NOXRED1: variants seen among roughly 807,000 people sequenced by gnomAD.
The protein encoded by NOXRED1 is NADP dependent oxidoreductase domain containing 1.
Under a neutral mutation model 30.4 loss-of-function variants are expected in NOXRED1, and 20 were observed. That is an observed-to-expected ratio of 0.66 (90% CI 0.46 to 0.96). The LOEUF (loss-of-function observed/expected upper bound fraction) is 0.96. NOXRED1 is among the 40% of genes least tolerant of loss of function. The probability of loss-of-function intolerance (pLI) is 0.00; values close to 1 mark genes in which losing one functional copy is unlikely to be tolerated. For synonymous variants in NOXRED1, 155 were observed against 168.0 expected (o/e 0.92, Z 0.60); for missense variants, 374 against 428.0 (o/e 0.87, Z 1.11).
At chr14:77,404,326 T>C (rs780633138) in intron 5 of NOXRED1, among the ~76,000 whole-genome samples, 2 of 152,170 alleles carry the variant, frequency 1.3e-5, no homozygotes, top group African/African-American at 4.8e-5. Flanking sequence ...CCATTGATGA[T>C]TGATTGGAAT....
Position 77,394,571 on chromosome 14 carries a change from G to C in NOXRED1, c.*60C>G. The C allele has an allele frequency of 7.8e-7, 1 of 1,283,510 alleles. No homozygotes were observed. Among genetic ancestry groups the C allele is most frequent in the Non-Finnish European group, 1.1e-6 (1 of 893,704 alleles). 79.5% of individuals were successfully genotyped at this position (1,283,510 alleles called of 1,614,324 possible). On this transcript the variant is annotated 3_prime_UTR_variant, in exon 6 of 6. Coordinates refer to ENST00000380835, the MANE Select transcript of NOXRED1 (RefSeq NM_001113475.3). ...CTCCCACAGTCAATTGTGATAATCA[G>C]GGCACAACTATTATAGGGAAAATCT...
At chr14:77,411,841 C>T (rs894706267) in intron 2 of NOXRED1, among the ~76,000 whole-genome samples, 1 of 152,060 alleles carries the variant, frequency 6.6e-6, no homozygotes, top group African/African-American at 2.4e-5. Flanking sequence ...CCTGTAATCC[C>T]GGCACTTTGG....
chr14:77,416,043 C>T (rs964729768), intron 1 of NOXRED1, among the ~76,000 whole-genome samples: 3 of 152,098 alleles, frequency 2.0e-5, no homozygotes, highest in African/African-American at 7.2e-5. Context: ...TTCTCTCTCC[C>T]CAGCCCCTGG....
Position 77,422,953 on chromosome 14 carries a change from G to A in NOXRED1, c.-64C>T, listed in dbSNP as rs2139707980. The A allele has an allele frequency of 7.1e-7, 1 of 1,404,866 alleles. No individual in the cohort carries two copies. Among genetic ancestry groups the A allele is most frequent in the African/African-American group, 1.4e-5 (1 of 70,288 alleles). 87.0% of individuals were successfully genotyped at this position (1,404,866 alleles called of 1,614,324 possible). A position where few individuals can be genotyped will look rare whatever the true frequency, so the allele number is the denominator to read the frequency against. Reference sequence around the variant, plus strand: ...AATTTGGCTCCCTGTCCCGGTAGAAGAGGGGTCTATGTAGGAGGTGTGTGT... The same window carrying A: ...AATTTGGCTCCCTGTCCCGGTAGAAAAGGGGTCTATGTAGGAGGTGTGTGT... On this transcript the variant is annotated 5_prime_UTR_variant, in exon 1 of 6. Transcript: ENST00000380835.
intron 1 of NOXRED1, 149 bp from the exon 2 acceptor site, chr14:77,414,276 G>A (rs1040883102): frequency 2.0e-6 from 1 of 496,026 alleles, no homozygotes; most frequent in Non-Finnish European, 3.5e-6. Context: ...CCGCCTCCCA[G>A]GTTCACGCCA....
chr14:77,425,342 G>A (rs1442535646), upstream of NOXRED1, among the ~76,000 whole-genome samples: 1 of 152,184 alleles, frequency 6.6e-6, no homozygotes. Context: ...AAACAGGTCA[G>A]AGAAAGGTCA....
At chr14:77,399,604 C>T (rs766548151) in intron 5 of NOXRED1, among the ~76,000 whole-genome samples, 10 of 152,094 alleles carry the variant, frequency 6.6e-5, no homozygotes, top group Non-Finnish European at 1.5e-4. Flanking sequence ...CTTTGAGGCC[C>T]CTATTAGTAG....
chr14:77,406,537 T>C, intron 4 of NOXRED1, 187 bp downstream of exon 4: 2 of 703,120 alleles, frequency 2.8e-6, no homozygotes, highest in Non-Finnish European at 5.0e-6. Context: ...GAAGTCCAAA[T>C]GATCAAGCTT....
At chr14:77,407,133 G>A (rs1390344576) in intron 3 of NOXRED1, among the ~76,000 whole-genome samples, 2 of 152,232 alleles carry the variant, frequency 1.3e-5, no homozygotes, top group East Asian at 3.8e-4. Context: ...CATACTTTCA[G>A]TAACTTTTCA....
At chr14:77,406,210 T>C in intron 4 of NOXRED1, 75 bp from the exon 5 acceptor site, 4 of 996,760 alleles carry the variant, frequency 4.0e-6, no homozygotes, top group Non-Finnish European at 4.6e-6. Flanking sequence ...AATAAACCCC[T>C]GACAGTGAAT....
chr14:77,409,238 A>G (rs1173616449), intron 2 of NOXRED1, among the ~76,000 whole-genome samples: 1 of 152,168 alleles, frequency 6.6e-6, no homozygotes, highest in Non-Finnish European at 1.5e-5. Flanking sequence ...CCACCCAAAT[A>G]TCATCTCGAA....
intron 5 of NOXRED1, among the ~76,000 whole-genome samples, chr14:77,403,289 G>T (rs893322882): frequency 6.6e-6 from 1 of 152,060 alleles, no homozygotes; most frequent in African/African-American, 2.4e-5. Context: ...AAAATAGAAT[G>T]AAACATAGAA....
At chr14:77,395,994 A>T (rs1455584035) in intron 5 of NOXRED1, among the ~76,000 whole-genome samples, 1 of 151,922 alleles carries the variant, frequency 6.6e-6, no homozygotes, top group Non-Finnish European at 1.5e-5. Flanking sequence ...AGAGAAGAGG[A>T]TTGCTTGAGC....
intron 5 of NOXRED1, among the ~76,000 whole-genome samples, chr14:77,403,769 C>G (rs1414538006): frequency 6.6e-6 from 1 of 152,120 alleles, no homozygotes; most frequent in African/African-American, 2.4e-5. Flanking sequence ...TTTCAAGATA[C>G]TGAGGTCAAA....
At chr14:77,425,423 G>A (rs1281108269), upstream of NOXRED1, among the ~76,000 whole-genome samples, 1 of 152,198 alleles carries the variant, frequency 6.6e-6, no homozygotes. Flanking sequence ...ATGCCTAGTG[G>A]TTCTGCTTCT....
At chr14:77,395,010 ACATTTCTCTAAGTG>A (rs1894143099) in intron 5 of NOXRED1, among the ~76,000 whole-genome samples, 1 of 152,212 alleles carries the variant, frequency 6.6e-6, no homozygotes, top group Admixed American at 6.5e-5. Flanking sequence ...ACACTTATGT[ACATTTCTCTAAGTG>A]CATTTGGAGA....
chr14:77,406,839 C>T lies in NOXRED1; in HGVS notation c.567G>A (p.Arg189=). 1.9e-6 allele frequency: 3 copies of T among 1,614,056 alleles called. No homozygotes were observed. Among genetic ancestry groups the T allele is most frequent in the East Asian group, 4.5e-5 (2 of 44,872 alleles). ...KLLLNHTNIL[R]PQYQYDEDSV... ...AATCTTCATCATACTGATACTGAGGCCGCAAGATATTGGTGTGGTTCAACA... is the reference window on the plus strand; with the variant it reads ...AATCTTCATCATACTGATACTGAGGTCGCAAGATATTGGTGTGGTTCAACA... The change falls in exon 4 of 6, where the codon CGG becomes CGA. Residue 189 remains arginine (R), a synonymous_variant. Coordinates refer to ENST00000380835, the MANE Select transcript of NOXRED1 (RefSeq NM_001113475.3).
chr14:77,406,295 G>A (rs1894456548), intron 4 of NOXRED1, 160 bp from the exon 5 acceptor site: 1 of 614,978 alleles, frequency 1.6e-6, no homozygotes, highest in Non-Finnish European at 2.9e-6. Flanking sequence ...AGCCACAAGT[G>A]CTACTTGTGC....
intron 5 of NOXRED1, among the ~76,000 whole-genome samples, chr14:77,398,948 A>G (rs1415440781): frequency 6.6e-6 from 1 of 152,090 alleles, no homozygotes; most frequent in Non-Finnish European, 1.5e-5. Context: ...CAGCCTGGGC[A>G]ACAGGGCAAG....
Sources: allele counts gnomAD v4.1 joint callset (sites outside exome capture counted in the v4.1 genomes callset), GRCh38; gene constraint gnomAD v4.1.1; transcripts MANE v1.5; gene names NCBI Gene and HGNC (gene_info 2026-07-23, HGNC 2026-07-21).